Variants in HAUS1 observed in about 807,000 individuals in gnomAD.
The protein encoded by HAUS1 is HAUS augmin-like complex subunit 1.
HAUS1 carries 25 observed loss-of-function variants against 38.6 expected under a neutral mutation model. That is an observed-to-expected ratio of 0.65 (90% CI 0.47 to 0.91). The LOEUF (loss-of-function observed/expected upper bound fraction) is 0.91, where lower values mean the gene tolerates loss of function less well. Ranked by LOEUF, HAUS1 falls within the 40% of genes least tolerant of loss-of-function variation. HAUS1 has a pLI of 0.00. For synonymous variants in HAUS1, 109 were observed against 112.9 expected, an observed-to-expected ratio of 0.97 and a Z score of 0.22; for missense variants, 325 against 328.4, an observed-to-expected ratio of 0.99 and a Z score of 0.08.
intron 1 of HAUS1, among the ~76,000 whole-genome samples, chr18:46,104,894 C>G (rs561938241): frequency 5.9e-5 from 9 of 152,236 alleles, no homozygotes; most frequent in Non-Finnish European, 1.3e-4. Context: ...TTATTATGGT[C>G]TATTAAGCTT....
intron 2 of HAUS1, among the ~76,000 whole-genome samples, chr18:46,114,825 A>G (rs1320648981): frequency 1.3e-5 from 2 of 152,164 alleles, no homozygotes; most frequent in East Asian, 1.9e-4. Flanking sequence ...TTCAAATACC[A>G]CAAATTCTCA....
intron 2 of HAUS1, among the ~76,000 whole-genome samples, chr18:46,110,351 T>TTTTTG (rs1424576496): frequency 1.5e-5 from 2 of 134,976 alleles, no homozygotes; most frequent in South Asian, 2.5e-4. Context: ...TTTTTTTTTT[T>TTTTTG]TTTTTTTTTT....
At position 46,123,343 on chromosome 18, in the gene HAUS1, GT is replaced by G; in HGVS notation, c.646del (p.Ser216ProfsTer2). 6.2e-7 allele frequency: 1 copy of G among 1,611,410 alleles called. No homozygotes were observed. The highest frequency in any genetic ancestry group is 8.5e-7 in the Non-Finnish European group (1 of 1,178,178). ...GCATGGATGCTTCTCTGTCTCATCA[GT>G]CCTTAGTAGCACTATCAGAGGTGAG... ...RGMDASLSHQ[S>X]LVALSEKLAR... On this transcript the variant is annotated frameshift_variant, in exon 6 of 9. Transcript: ENST00000282058. LOFTEE classifies it high-confidence loss of function.
At chr18:46,115,799 G>A (rs1412388293) in intron 2 of HAUS1, among the ~76,000 whole-genome samples, 2 of 152,086 alleles carry the variant, frequency 1.3e-5, no homozygotes, top group Non-Finnish European at 2.9e-5. Context: ...TAAAACTTTT[G>A]TTCTCAAAGG....
intron 8 of HAUS1, 27 bp downstream of exon 8, chr18:46,125,818 AT>A (rs1364559166): frequency 2.0e-6 from 3 of 1,466,446 alleles, no homozygotes; most frequent in East Asian, 4.5e-5. Context: ...ATTTTTTCAG[AT>A]TTTTTTAAAA....
At position 46,105,197 on chromosome 18, in the gene HAUS1, G is replaced by A. The variant is rs749211948; in HGVS notation, c.34G>A (p.Ala12Thr). The stretch of plus-strand genomic sequence containing the variant: ...TTGTCTTTCTTTTAATGGTTAGGTT[G>A]CTGCGTGGTTAAAAAAAATATTTGG... ...EPQEERETQVAAWLKKIFGDH... is the reference protein window; with the variant it reads ...EPQEERETQVTAWLKKIFGDH... The change falls in exon 2 of 9, where the codon GCT becomes ACT. Residue 12 changes from alanine to threonine, a missense_variant. By Grantham distance (58) the Ala-to-Thr change is moderately conservative. Transcript: ENST00000282058. The A allele has an allele frequency of 2.5e-6, 4 of 1,606,594 alleles. No individual in the cohort carries two copies. The highest frequency in any genetic ancestry group is 3.4e-6 in the Non-Finnish European group (4 of 1,175,784).
intron 2 of HAUS1, among the ~76,000 whole-genome samples, chr18:46,117,881 G>T (rs1375278766): frequency 6.6e-6 from 1 of 151,942 alleles, no homozygotes; most frequent in South Asian, 2.1e-4. Flanking sequence ...GGGGGGTGGA[G>T]GTTGCAGTGA....
Position 46,120,050 on chromosome 18 carries a change from T to C in HAUS1, c.466T>C (p.Cys156Arg), listed in dbSNP as rs1252425720. Residue 156 changes from cysteine (C) to arginine (R), a missense_variant, in exon 4 of 9, where the codon TGT becomes CGT. By Grantham distance (180) the Cys-to-Arg change is radical. Coordinates refer to ENST00000282058, the MANE Select transcript of HAUS1 (RefSeq NM_138443.4). ...AACTGCAACTTTAGTATTAGAAAAA[T>C]GTCTACAAGAGTAAGTAATTGAGTT... The part of the protein sequence containing the change: ...NLTATLVLEK[C>R]LQEDVKKAEL... 1.0e-5 allele frequency: 16 copies of C among 1,594,870 alleles called. No individual in the cohort carries two copies. Among genetic ancestry groups the C allele is most frequent in the Non-Finnish European group, 1.4e-5 (16 of 1,167,416 alleles).
Position 46,122,594 on chromosome 18 carries a change from T to C in HAUS1, c.600+4T>C. ...ATTTGGAATCAAGGCTGCAGAGGTT[T>C]GTATGAAGGACCGAATATAGTTAGC... On this transcript the variant is annotated splice_donor_region_variant and intron_variant, in intron 5 of 8. Coordinates refer to ENST00000282058, the MANE Select transcript of HAUS1 (RefSeq NM_138443.4). 1 of 1,614,134 alleles carries C rather than the reference T, an allele frequency of 6.2e-7. No individual in the cohort carries two copies. The highest frequency in any genetic ancestry group is 8.5e-7 in the Non-Finnish European group (1 of 1,180,006).
At chr18:46,113,529 TC>T (rs1213606716) in intron 2 of HAUS1, among the ~76,000 whole-genome samples, 35 of 152,050 alleles carry the variant, frequency 2.3e-4, no homozygotes, top group African/African-American at 8.5e-4. Flanking sequence ...TCATTGATAT[TC>T]TTTATTTGAT....
intron 2 of HAUS1, among the ~76,000 whole-genome samples, chr18:46,110,342 T>TTTTG (rs1483588161): frequency 8.8e-5 from 10 of 113,378 alleles, no homozygotes; most frequent in Non-Finnish European, 1.5e-4. Flanking sequence ...GGTTTTTTTT[T>TTTTG]TTTTTTTTTT....
intron 8 of HAUS1, among the ~76,000 whole-genome samples, chr18:46,127,157 A>T (rs1912132777): frequency 1.4e-5 from 2 of 147,824 alleles, no homozygotes; most frequent in African/African-American, 5.0e-5. Flanking sequence ...TTTTTAGTAG[A>T]GACGGGGTTT....
chr18:46,114,204 C>T (rs1911745628), intron 2 of HAUS1, among the ~76,000 whole-genome samples: 1 of 152,214 alleles, frequency 6.6e-6, no homozygotes, highest in Non-Finnish European at 1.5e-5. Flanking sequence ...TATCTTGAAT[C>T]TGCTCCCAAT....
intron 2 of HAUS1, among the ~76,000 whole-genome samples, chr18:46,115,471 A>G (rs1911774839): frequency 1.3e-5 from 2 of 150,722 alleles, no homozygotes; most frequent in South Asian, 2.1e-4. Context: ...AAAAAAAAAA[A>G]AAAAAAATTA....
At chr18:46,127,537 C>T (rs1373530615) in intron 8 of HAUS1, among the ~76,000 whole-genome samples, 1 of 151,794 alleles carries the variant, frequency 6.6e-6, no homozygotes, top group African/African-American at 2.4e-5. Context: ...AACCCCATCT[C>T]TACTAAAAAT....
intron 2 of HAUS1, among the ~76,000 whole-genome samples, chr18:46,112,336 ATATT>A (rs1398403650): frequency 5.9e-4 from 71 of 119,926 alleles, no homozygotes; most frequent in African/African-American, 2.0e-3. Context: ...ATGTGTATAT[ATATT>A]CCATATTATA....
At chr18:46,110,354 T>TTTTG in intron 2 of HAUS1, among the ~76,000 whole-genome samples, 3 of 136,862 alleles carry the variant, frequency 2.2e-5, no homozygotes, top group Non-Finnish European at 4.7e-5. Flanking sequence ...TTTTTTTTTT[T>TTTTG]TTTTTTTTAG....
At chr18:46,119,713 G>A (rs1911886113) in intron 3 of HAUS1, among the ~76,000 whole-genome samples, 1 of 152,216 alleles carries the variant, frequency 6.6e-6, no homozygotes. Flanking sequence ...GGATGACAGG[G>A]ACGCTCATCT....
At position 46,105,309 on chromosome 18, in the gene HAUS1, G is replaced by T; in HGVS notation, c.146G>T (p.Arg49Met). The change falls in exon 2 of 9, where the codon AGG becomes ATG. Residue 49 changes from arginine (R) to methionine (M), a missense_variant. By Grantham distance (91) the Arg-to-Met change is moderately conservative (BLOSUM62 -1). Transcript: ENST00000282058. ...TCAGAACGCAACAGGGTCCGGGACA[G>T]GGATGTCTACCTGGTAATAGAGGAC... ...HLSERNRVRD[R>M]DVYLVIEDLK... 1 of 1,613,698 alleles carries T rather than the reference G, an allele frequency of 6.2e-7. No individual in the cohort carries two copies. Among genetic ancestry groups the T allele is most frequent in the Non-Finnish European group, 8.5e-7 (1 of 1,179,750 alleles).
Sources: gnomAD v4.1 joint callset for allele counts (sites outside exome capture counted in the v4.1 genomes callset) on GRCh38, gnomAD v4.1.1 for gene constraint, MANE v1.5 for transcripts, NCBI Gene and HGNC (gene_info 2026-07-23, HGNC 2026-07-21) for gene names.